PLXDC2: variants seen among roughly 807,000 people sequenced by gnomAD.
The protein encoded by PLXDC2 is plexin domain-containing protein 2.
Under a neutral mutation model 68.9 loss-of-function variants are expected in PLXDC2, and 40 were observed. That is an observed-to-expected ratio of 0.58 (90% confidence interval 0.45 to 0.76). The LOEUF (loss-of-function observed/expected upper bound fraction) is 0.76. Among genes scored for constraint, PLXDC2 ranks in the 30% least tolerant of loss-of-function variants. The probability of loss-of-function intolerance (pLI) is 0.00; values close to 1 mark genes in which losing one functional copy is unlikely to be tolerated. For missense variants in PLXDC2, 644 were observed against 661.9 expected (o/e 0.97, Z 0.30); for synonymous variants, 243 against 234.2 (o/e 1.04, Z -0.34).
At chr10:20,038,507 A>G (rs1835620473) in intron 2 of PLXDC2, among the ~76,000 whole-genome samples, 1 of 152,174 alleles carries the variant, frequency 6.6e-6, no homozygotes, top group Non-Finnish European at 1.5e-5. Flanking sequence ...ATTGAATTGT[A>G]TACCATGTAA....
chr10:20,152,177 GATGA>G (rs1238496780), intron 6 of PLXDC2, among the ~76,000 whole-genome samples: 17 of 152,036 alleles, frequency 1.1e-4, no homozygotes. Context: ...CACACTAAAT[GATGA>G]ATGATCAATA....
chr10:19,965,134 T>A (rs980763295), intron 1 of PLXDC2, among the ~76,000 whole-genome samples: 1 of 152,202 alleles, frequency 6.6e-6, no homozygotes, highest in Admixed American at 6.5e-5. Context: ...AAATTGAGTA[T>A]CACATGAAAC....
chr10:20,015,001 A>G (rs917789928), intron 2 of PLXDC2, among the ~76,000 whole-genome samples: 3 of 152,222 alleles, frequency 2.0e-5, no homozygotes, highest in Non-Finnish European at 4.4e-5. Flanking sequence ...GTTTGTCAGA[A>G]AGAATCGAGG....
At chr10:19,873,446 C>T (rs1227028655) in intron 1 of PLXDC2, among the ~76,000 whole-genome samples, 3 of 146,738 alleles carry the variant, frequency 2.0e-5, no homozygotes, top group Non-Finnish European at 3.0e-5. Flanking sequence ...GACCTTGCTC[C>T]CTTACCCAGG....
intron 1 of PLXDC2, among the ~76,000 whole-genome samples, chr10:19,978,851 A>G (rs1834501438): frequency 6.6e-6 from 1 of 152,204 alleles, no homozygotes; most frequent in Non-Finnish European, 1.5e-5. Flanking sequence ...TTTATTGATT[A>G]CTCTGCAAAG....
chr10:20,075,193 A>G (rs1836417472), intron 4 of PLXDC2, among the ~76,000 whole-genome samples: 1 of 151,834 alleles, frequency 6.6e-6, no homozygotes, highest in East Asian at 1.9e-4. Flanking sequence ...TTATATATTT[A>G]TTTCTTTATT....
At chr10:19,928,843 C>T (rs1249364899) in intron 1 of PLXDC2, among the ~76,000 whole-genome samples, 8 of 150,666 alleles carry the variant, frequency 5.3e-5, no homozygotes. Flanking sequence ...TAACCTCGGC[C>T]TCCTGGGTTC....
intron 2 of PLXDC2, among the ~76,000 whole-genome samples, chr10:20,038,974 A>C (rs932375070): frequency 2.6e-5 from 4 of 152,090 alleles, no homozygotes; most frequent in African/African-American, 4.8e-5. Flanking sequence ...GTATGATTTT[A>C]CTTCTGGCAA....
rs1156792309 is a variant in PLXDC2 at position 19,929,684 on chromosome 10, A to G, written c.113-72091A>G. 7.2e-5 allele frequency among the ~76,000 whole-genome samples: 11 copies of G among 152,228 alleles called. 1 individual carries two copies. The highest frequency in any genetic ancestry group is 7.2e-4 in the Admixed American group (11 of 15,284). Reference sequence around the variant, plus strand: ...AATGACTAGCACAAAGCTATGAGTCAGGAAGAAAAAAATAAAACAAAGCTG... The same window carrying G: ...AATGACTAGCACAAAGCTATGAGTCGGGAAGAAAAAAATAAAACAAAGCTG... On this transcript the variant is annotated intron_variant, in intron 1 of 13. Coordinates refer to ENST00000377252, the MANE Select transcript of PLXDC2 (RefSeq NM_032812.9).
chr10:20,197,772 G>T (rs976398915), intron 9 of PLXDC2, among the ~76,000 whole-genome samples: 1 of 151,610 alleles, frequency 6.6e-6, no homozygotes, highest in Non-Finnish European at 1.5e-5. Flanking sequence ...AACTCTCCCC[G>T]CTCAGCCTCC....
chr10:19,856,490 G>A (rs1371574109), intron 1 of PLXDC2, among the ~76,000 whole-genome samples: 2 of 151,972 alleles, frequency 1.3e-5, no homozygotes, highest in Non-Finnish European at 2.9e-5. Flanking sequence ...GGTCTGTGAT[G>A]AACTTGGACC....
intron 2 of PLXDC2, among the ~76,000 whole-genome samples, chr10:20,036,552 C>T (rs956753235): frequency 1.3e-5 from 2 of 152,078 alleles, no homozygotes; most frequent in Admixed American, 6.5e-5. Flanking sequence ...AAATCTAGAA[C>T]AGAAATTTCC....
chr10:19,963,742 C>T (rs979089312), intron 1 of PLXDC2, among the ~76,000 whole-genome samples: 3 of 151,802 alleles, frequency 2.0e-5, no homozygotes, highest in African/African-American at 7.3e-5. Context: ...ATTTAAATGA[C>T]GAGTTAATGG....
At chr10:19,967,321 G>A (rs116957159) in intron 1 of PLXDC2, among the ~76,000 whole-genome samples, 2,218 of 152,204 alleles carry the variant, frequency 0.015, 20 homozygotes, top group Non-Finnish European at 0.022. Flanking sequence ...CAGAAAGATG[G>A]TAACAGTATC....
intron 13 of PLXDC2, among the ~76,000 whole-genome samples, chr10:20,270,666 T>G (rs1304064881): frequency 6.6e-6 from 1 of 151,988 alleles, no homozygotes; most frequent in Non-Finnish European, 1.5e-5. Context: ...TGCCTCAAAC[T>G]CCCAATTAGC....
intron 1 of PLXDC2, among the ~76,000 whole-genome samples, chr10:19,913,320 C>G (rs1013637266): frequency 6.6e-6 from 1 of 152,040 alleles, no homozygotes; most frequent in African/African-American, 2.4e-5. Context: ...TTTCCTCCTG[C>G]TCTCCCTTTC....
rs149203220 is a variant in PLXDC2 at position 19,929,780 on chromosome 10, G to A, written c.113-71995G>A. On this transcript the variant is annotated intron_variant, in intron 1 of 13. Coordinates refer to ENST00000377252, the MANE Select transcript of PLXDC2 (RefSeq NM_032812.9). ...ACTGCCTGTTGGTTGCATGTCCCAA[G>A]GTAAAGGACAAGAGAATAGTTTCTG... Among the ~76,000 whole-genome samples, 376 of 152,262 alleles carry A rather than the reference G, an allele frequency of 2.5e-3. 1 individual carries two copies. Among genetic ancestry groups the A allele is most frequent in the Non-Finnish European group, 3.7e-3 (253 of 68,018 alleles).
chr10:20,221,870 T>C (rs1835216437), intron 12 of PLXDC2, among the ~76,000 whole-genome samples: 1 of 152,228 alleles, frequency 6.6e-6, no homozygotes, highest in African/African-American at 2.4e-5. Flanking sequence ...TTTCTCTGTA[T>C]TGTTGCAAAG....
At chr10:20,255,465 A>G (rs912440154) in intron 13 of PLXDC2, among the ~76,000 whole-genome samples, 6 of 152,306 alleles carry the variant, frequency 3.9e-5, no homozygotes, top group African/African-American at 1.4e-4. Context: ...GTTCTGCGTT[A>G]AAATAAATAC....
Sources: allele counts gnomAD v4.1 joint callset (sites outside exome capture counted in the v4.1 genomes callset), GRCh38; gene constraint gnomAD v4.1.1; transcripts MANE v1.5; gene names NCBI Gene and HGNC (gene_info 2026-07-23, HGNC 2026-07-21).